ABLIM3: variants seen among roughly 807,000 people sequenced by gnomAD.
ABLIM3 encodes actin-binding LIM protein 3.
A neutral mutation model predicts 109.5 loss-of-function variants in ABLIM3; 61 were observed. The observed-to-expected ratio is 0.56, with a 90% confidence interval of 0.45 to 0.69. The LOEUF (loss-of-function observed/expected upper bound fraction) is 0.69. ABLIM3 is among the 30% of genes least tolerant of loss of function. The pLI is 0.00. For missense variants in ABLIM3, 796 were observed against 889.5 expected (o/e 0.89, Z 1.34); for synonymous variants, 300 against 324.8 (o/e 0.92, Z 0.82).
At chr5:149,178,996 A>G (rs907552781) in intron 2 of ABLIM3, among the ~76,000 whole-genome samples, 2 of 152,202 alleles carry the variant, frequency 1.3e-5, no homozygotes, top group African/African-American at 2.4e-5. Flanking sequence ...ACAAAGAACA[A>G]CAGATGAGAG....
At chr5:149,160,684 G>T (rs921956595) in intron 2 of ABLIM3, among the ~76,000 whole-genome samples, 3 of 152,110 alleles carry the variant, frequency 2.0e-5, no homozygotes, top group Non-Finnish European at 1.5e-5. Flanking sequence ...AGCTTTTTGT[G>T]TCAAGGGACT....
chr5:149,242,570 AC>A, intron 15 of ABLIM3, 32 bp downstream of exon 15: 2 of 1,612,856 alleles, frequency 1.2e-6, no homozygotes, highest in Non-Finnish European at 1.7e-6. Context: ...GCTTGGCCAC[AC>A]AAGGAGAGGG....
chr5:149,253,760 C>A (rs192302836), intron 23 of ABLIM3, among the ~76,000 whole-genome samples: 4 of 152,290 alleles, frequency 2.6e-5, no homozygotes, highest in Non-Finnish European at 5.9e-5. Context: ...AGTTCCTGGG[C>A]TCCTCTGGTG....
At chr5:149,211,806 C>T (rs922542084) in intron 7 of ABLIM3, among the ~76,000 whole-genome samples, 1 of 151,986 alleles carries the variant, frequency 6.6e-6, no homozygotes, top group Non-Finnish European at 1.5e-5. Flanking sequence ...AAGAACTATC[C>T]CTGAAGGGCC....
intron 11 of ABLIM3, 35 bp from the exon 12 acceptor site, chr5:149,239,213 G>T: frequency 6.2e-7 from 1 of 1,612,334 alleles, no homozygotes; most frequent in East Asian, 2.2e-5. Context: ...CCTTCTGCTC[G>T]TTCCACAACT....
chr5:149,180,787 G>A (rs1756390106), intron 2 of ABLIM3, among the ~76,000 whole-genome samples: 1 of 152,154 alleles, frequency 6.6e-6, no homozygotes, highest in Admixed American at 6.5e-5. Flanking sequence ...CAGGGTTAGG[G>A]CTGGGGTCCC....
chr5:149,173,764 G>C (rs1008784726), intron 2 of ABLIM3, among the ~76,000 whole-genome samples: 1 of 152,174 alleles, frequency 6.6e-6, no homozygotes, highest in African/African-American at 2.4e-5. Context: ...GCTCACGCCT[G>C]TAATCCCAGC....
At chr5:149,144,773 C>T (rs1370316531) in intron 2 of ABLIM3, among the ~76,000 whole-genome samples, 1 of 152,188 alleles carries the variant, frequency 6.6e-6, no homozygotes, top group African/African-American at 2.4e-5. Flanking sequence ...ATGTGTAACA[C>T]ATTTGACACT....
chr5:149,237,619 C>T lies in ABLIM3; in HGVS notation c.1044+16C>T. 1 of 1,613,636 alleles carries T rather than the reference C, an allele frequency of 6.2e-7. No individual in the cohort carries two copies. Among genetic ancestry groups the T allele is most frequent in the Non-Finnish European group, 8.5e-7 (1 of 1,179,906 alleles). On this transcript the variant is annotated intron_variant, in intron 11 of 23. Coordinates refer to ENST00000309868, the MANE Select transcript of ABLIM3 (RefSeq NM_014945.5). ...CTATGGAGAGGTATCGCATCTTGCC[C>T]TTCTCTCTGGGGCTATTGTAGGAAA...
intron 3 of ABLIM3, among the ~76,000 whole-genome samples, chr5:149,197,932 G>A (rs4263488): frequency 0.67 from 102,334 of 152,028 alleles, 34,675 homozygotes; most frequent in African/African-American, 0.74. Context: ...ATTCAGGCCC[G>A]GGCATCTGGA....
chr5:149,163,436 C>T (rs2127450067), intron 2 of ABLIM3, among the ~76,000 whole-genome samples: 1 of 152,236 alleles, frequency 6.6e-6, no homozygotes, highest in Admixed American at 6.5e-5. Flanking sequence ...AAATACCACA[C>T]ACGGGGTGGC....
chr5:149,141,575 C>T lies in ABLIM3; in HGVS notation c.-167C>T, dbSNP rs1248182110. 2.6e-5 allele frequency: 4 copies of T among 154,854 alleles called. No individual in the cohort carries two copies. Among genetic ancestry groups the T allele is most frequent in the African/African-American group, 9.6e-5 (4 of 41,466 alleles). The allele number at this position is 154,854 out of a possible 1,614,324, so 9.6% of individuals were successfully genotyped here. On this transcript the variant is annotated 5_prime_UTR_variant, in exon 1 of 24. Transcript: ENST00000309868. ...GCATTGCTAGCCCTGGAATTCGAGA[C>T]CCCAGACGAGGACCAGGATTCATGA...
rs201050224 is a variant in ABLIM3 at position 149,183,547 on chromosome 5, G to T, written c.109G>T (p.Val37Leu). The T allele has an allele frequency of 1.3e-6, 2 of 1,592,312 alleles. No homozygotes were observed. Among genetic ancestry groups the T allele is most frequent in the Non-Finnish European group, 1.7e-6 (2 of 1,170,106 alleles). The change falls in exon 3 of 24, where the codon GTG becomes TTG. Residue 37 changes from valine to leucine, a missense_variant. Physicochemically the swap from Val to Leu is conservative, Grantham distance 32. Transcript: ENST00000309868. ...CACCTGCAAAGGGGAAGTGGTCCGC[G>T]TGCACAACAACCACTTCCACATCAG... ...GDTCKGEVVR[V>L]HNNHFHIRCF...
chr5:149,209,665 A>G (rs780102695), intron 6 of ABLIM3, among the ~76,000 whole-genome samples: 16 of 152,344 alleles, frequency 1.1e-4, no homozygotes, highest in Admixed American at 2.0e-4. Context: ...TTCTCCCTGC[A>G]GAGCTACCCT....
At chr5:149,163,761 G>A (rs1484442354) in intron 2 of ABLIM3, among the ~76,000 whole-genome samples, 1 of 152,124 alleles carries the variant, frequency 6.6e-6, no homozygotes, top group African/African-American at 2.4e-5. Flanking sequence ...AATTTGGGGG[G>A]TGAGAGAGAC....
At chr5:149,200,129 A>G (rs1310069707) in intron 4 of ABLIM3, among the ~76,000 whole-genome samples, 187 bp from the exon 5 acceptor site, 2 of 152,232 alleles carry the variant, frequency 1.3e-5, no homozygotes, top group Non-Finnish European at 2.9e-5. Flanking sequence ...ACTGGGCTCC[A>G]GTTCTTGCTG....
chr5:149,254,476 T>C (rs1407485366), intron 23 of ABLIM3, among the ~76,000 whole-genome samples: 4 of 152,116 alleles, frequency 2.6e-5, no homozygotes, highest in African/African-American at 9.7e-5. Context: ...GTTTGTGGGA[T>C]TGAGTGCAGG....
At chr5:149,205,984 T>A (rs1758924448) in intron 5 of ABLIM3, among the ~76,000 whole-genome samples, 1 of 152,198 alleles carries the variant, frequency 6.6e-6, no homozygotes, top group Admixed American at 6.5e-5. Context: ...TTACATGCAG[T>A]TTCTGCTCTC....
chr5:149,153,161 G>A (rs1580992078), intron 2 of ABLIM3, among the ~76,000 whole-genome samples: 1 of 152,110 alleles, frequency 6.6e-6, no homozygotes, highest in Non-Finnish European at 1.5e-5. Flanking sequence ...TATTCCCAAG[G>A]CACTTCAAAA....
Sources: gnomAD v4.1 joint callset for allele counts (sites outside exome capture counted in the v4.1 genomes callset) on GRCh38, gnomAD v4.1.1 for gene constraint, MANE v1.5 for transcripts, NCBI Gene and HGNC (gene_info 2026-07-23, HGNC 2026-07-21) for gene names.